The following SUPT5H variants were observed in gnomAD, a reference collection of about 807,000 sequenced individuals.
SUPT5H encodes SPT5 homolog, DSIF elongation factor subunit.
A neutral mutation model predicts 142.5 loss-of-function variants in SUPT5H; 24 were observed. The observed-to-expected ratio is 0.17, with a 90% CI of 0.12 to 0.24. The LOEUF is 0.24. SUPT5H is among the 10% of genes least tolerant of loss of function. SUPT5H has a pLI of 1.00. For synonymous variants in SUPT5H, 546 were observed against 553.0 expected (o/e 0.99, Z 0.18); for missense variants, 893 against 1,471.8 (o/e 0.61, Z 6.43).
chr19:39,465,070 TG>T (rs750888098), intron 11 of SUPT5H, 21 bp downstream of exon 11: 3 of 1,603,948 alleles, frequency 1.9e-6, no homozygotes, highest in South Asian at 2.2e-5. Context: ...CGGGGTGGCA[TG>T]GGGGTCAGGG....
At position 39,470,452 on chromosome 19, in the gene SUPT5H, T is replaced by C. The variant is rs2079303635; in HGVS notation, c.1606T>C (p.Trp536Arg). ...SGVDVGGQHE[W>R]GELVQLDPQT... ...TGTGGATGTTGGGGGCCAGCATGAATGGGGCGAGCTGGTGCAGCTGGATCC... is the reference window on the plus strand; with the variant it reads ...TGTGGATGTTGGGGGCCAGCATGAACGGGGCGAGCTGGTGCAGCTGGATCC... The change falls in exon 18 of 30, where the codon TGG becomes CGG. Residue 536 changes from tryptophan to arginine, a missense_variant. Transcript: ENST00000432763. The surrounding 1 kb of genome is among the most constrained non-coding windows in gnomAD (Gnocchi z 5.8). 1 of 1,606,026 alleles carries C rather than the reference T, an allele frequency of 6.2e-7. No individual in the cohort carries two copies. Among genetic ancestry groups the C allele is most frequent in the Admixed American group, 1.7e-5 (1 of 59,180 alleles).
chr19:39,459,392 G>A (rs2079132404), intron 8 of SUPT5H, 143 bp downstream of exon 8: 2 of 1,342,292 alleles, frequency 1.5e-6, no homozygotes, highest in Admixed American at 1.9e-5. Flanking sequence ...GGAGGGCAAG[G>A]TGGCACTTTC....
Position 39,474,790 on chromosome 19 carries a change from G to A in SUPT5H, c.3024+72G>A, listed in dbSNP as rs914756274. 2.0e-6 allele frequency: 3 copies of A among 1,493,816 alleles called. No homozygotes were observed. Among genetic ancestry groups the A allele is most frequent in the Admixed American group, 2.0e-5 (1 of 50,274 alleles). The allele number at this position is 1,493,816 out of a possible 1,614,324, so 92.5% of individuals were successfully genotyped here. On this transcript the variant is annotated intron_variant, in intron 28 of 29. Transcript: ENST00000432763. This position sits in a 1 kb window ranked among gnomAD's most constrained non-coding sequence, Gnocchi z 6.5. ...TACCCCCTAAACTGGAGACAGACCT[G>A]TCCCCAGATGGTGACAGCCCAGAGT...
rs1444720891 is a variant in SUPT5H at position 39,472,349 on chromosome 19, C to A, written c.1951-60C>A. The A allele has an allele frequency of 1.9e-6, 3 of 1,544,280 alleles. No individual in the cohort carries two copies. The highest frequency in any genetic ancestry group is 2.7e-6 in the Non-Finnish European group (3 of 1,119,278). On this transcript the variant is annotated intron_variant, in intron 20 of 29. Coordinates refer to ENST00000432763, the MANE Select transcript of SUPT5H (RefSeq NM_001111020.3). This position sits in a 1 kb window ranked among gnomAD's most constrained non-coding sequence, Gnocchi z 4.2. ...GGCCCTGCACGTGGGATGATGAGTT[C>A]CTGTGGTTTGTGGTTCCCCCATCCC... is the stretch of plus-strand genomic sequence containing the variant.
intron 2 of SUPT5H, among the ~76,000 whole-genome samples, chr19:39,446,248 C>G (rs183743353): frequency 6.6e-6 from 1 of 151,646 alleles, no homozygotes; most frequent in Non-Finnish European, 1.5e-5. Flanking sequence ...TTAGTTATGT[C>G]TAGTCATTCC....
Position 39,470,986 on chromosome 19 carries a change from T to A in SUPT5H, c.1678-371T>A, listed in dbSNP as rs2079311852. Among the ~76,000 whole-genome samples, 1 of 152,120 alleles carries A rather than the reference T, an allele frequency of 6.6e-6. No homozygotes were observed. Among genetic ancestry groups the A allele is most frequent in the South Asian group, 2.1e-4 (1 of 4,832 alleles). On this transcript the variant is annotated intron_variant, in intron 18 of 29. Transcript: ENST00000432763. This position sits in a 1 kb window ranked among gnomAD's most constrained non-coding sequence, Gnocchi z 5.8. ...TGAGCCTGAGTTTCCCTCTGTAAGA[T>A]GGAAATCATGACAGAATCCACCTCA... is the stretch of plus-strand genomic sequence containing the variant.
Position 39,458,727 on chromosome 19 carries a change from A to G in SUPT5H, c.320-91A>G, listed in dbSNP as rs1197741474. ...TGTCATCTTCCTGCCCCAGGGCCAA[A>G]CCCTGGCCCTCTTAGCTGCACGCTC... On this transcript the variant is annotated intron_variant, in intron 5 of 29. Coordinates refer to ENST00000432763, the MANE Select transcript of SUPT5H (RefSeq NM_001111020.3). The surrounding 1 kb of genome is among the most constrained non-coding windows in gnomAD (Gnocchi z 4.2). 2.4e-6 allele frequency: 3 copies of G among 1,247,000 alleles called. No individual in the cohort carries two copies. The African/African-American group carries it at 4.5e-5, about 19-fold the overall frequency. The allele number at this position is 1,247,000 out of a possible 1,614,324, so 77.2% of individuals were successfully genotyped here.
At chr19:39,467,298 G>A (rs1039983646) in intron 13 of SUPT5H, among the ~76,000 whole-genome samples, 2 of 152,000 alleles carry the variant, frequency 1.3e-5, no homozygotes, top group South Asian at 2.1e-4. Context: ...CAGGAGAATC[G>A]CTTAAACCCA....
At chr19:39,446,224 A>G (rs1876914548) in intron 2 of SUPT5H, among the ~76,000 whole-genome samples, 1 of 151,936 alleles carries the variant, frequency 6.6e-6, no homozygotes, top group African/African-American at 2.4e-5. Flanking sequence ...AGCACTTAGC[A>G]TTAGTTTTTT....
In SUPT5H at chr19:39,464,040, A is replaced by G. The variant is rs558924859; in HGVS notation, c.625-758A>G. Among the ~76,000 whole-genome samples the G allele has an allele frequency of 1.4e-3, 206 of 149,096 alleles. 1 individual carries two copies. Among genetic ancestry groups the G allele is most frequent in the African/African-American group, 4.1e-3 (164 of 40,410 alleles). ...CTCTTATTGCCCAGACTGGAGTGCA[A>G]TGGTGCGATCTCAGCTTACCGCAAC... On this transcript the variant is annotated intron_variant, in intron 10 of 29. Transcript: ENST00000432763.
In SUPT5H at chr19:39,466,187, A is replaced by C. The variant is rs2079232899; in HGVS notation, c.877-293A>C. Among the ~76,000 whole-genome samples the C allele has an allele frequency of 6.6e-6, 1 of 152,060 alleles. No homozygotes were observed. Among genetic ancestry groups the C allele is most frequent in the Non-Finnish European group, 1.5e-5 (1 of 68,006 alleles). On this transcript the variant is annotated intron_variant, in intron 11 of 29. Transcript: ENST00000432763. This position sits in a 1 kb window ranked among gnomAD's most constrained non-coding sequence, Gnocchi z 4.3. ...CCAGGTTGTGTGCCTGAGCAGAGGG[A>C]AGAATGGAGTGGGAGGCGGCAGGTT...
At position 39,466,222 on chromosome 19, in the gene SUPT5H, C is replaced by T. The variant is rs557772385; in HGVS notation, c.877-258C>T. ...TGGGAGGCGGCAGGTTTGGGGGAAT[C>T]AGCGGTTTGGCTGCGGTCGTCCTGG... On this transcript the variant is annotated intron_variant, in intron 11 of 29. Transcript: ENST00000432763. This position sits in a 1 kb window ranked among gnomAD's most constrained non-coding sequence, Gnocchi z 4.3. 1.1e-4 allele frequency among the ~76,000 whole-genome samples: 17 copies of T among 152,206 alleles called. No homozygotes were observed. In the South Asian group the frequency reaches 3.5e-3, roughly 32 times the overall value.
intron 10 of SUPT5H, among the ~76,000 whole-genome samples, chr19:39,462,309 C>G (rs148248425): frequency 6.6e-6 from 1 of 152,186 alleles, no homozygotes; most frequent in African/African-American, 2.4e-5. Context: ...TTTTCATTAT[C>G]CCAAAAATAA....
At chr19:39,453,692 A>G (rs1474143646) in intron 3 of SUPT5H, among the ~76,000 whole-genome samples, 171 bp downstream of exon 3, 6 of 152,040 alleles carry the variant, frequency 3.9e-5, no homozygotes, top group Non-Finnish European at 8.8e-5. Context: ...AGCCTCCTGA[A>G]TAGCTGGGAC....
rs377090015 is a variant in SUPT5H at position 39,470,526 on chromosome 19, G to A, written c.1677+3G>A. 3.7e-5 allele frequency: 58 copies of A among 1,549,300 alleles called. No individual in the cohort carries two copies. In the African/African-American group the frequency reaches 5.6e-4, roughly 15 times the overall value. ...GACTAGAACGGGAGACCTTCCAGGT[G>A]TGTGTGTTGTGCTCTGTGGCGGGGA... is the stretch of plus-strand genomic sequence containing the variant. On this transcript the variant is annotated splice_donor_region_variant and intron_variant, in intron 18 of 29. Transcript: ENST00000432763. This position sits in a 1 kb window ranked among gnomAD's most constrained non-coding sequence, Gnocchi z 5.8.
At chr19:39,457,069 A>G (rs1274936196) in intron 3 of SUPT5H, among the ~76,000 whole-genome samples, 3 of 152,248 alleles carry the variant, frequency 2.0e-5, no homozygotes, top group African/African-American at 7.2e-5. Flanking sequence ...CAGTACATCC[A>G]ACATGGTAAA....
chr19:39,457,626 C>T, intron 3 of SUPT5H, 49 bp from the exon 4 acceptor site: 1 of 1,597,996 alleles, frequency 6.3e-7, no homozygotes, highest in Non-Finnish European at 8.6e-7. Context: ...GTCCTGGGAG[C>T]TGTTATGAGG....
In SUPT5H at chr19:39,459,607, G is replaced by A. The variant is rs552291679; in HGVS notation, c.555+18G>A. 6 of 1,613,640 alleles carry A rather than the reference G, an allele frequency of 3.7e-6. No homozygotes were observed. The highest frequency in any genetic ancestry group is 2.2e-5 in the South Asian group (2 of 91,072). On this transcript the variant is annotated intron_variant, in intron 9 of 29. Coordinates refer to ENST00000432763, the MANE Select transcript of SUPT5H (RefSeq NM_001111020.3). ...AATGTAAGGTATGTGCTCTGATCTC[G>A]GGGCTTGGAGGAGGTGGGAGAATGA... is the stretch of plus-strand genomic sequence containing the variant.
rs939358385 is a variant in SUPT5H, at chr19:39,453,427, AGAG to A, written c.156_158del (p.Glu53del). The A allele has an allele frequency of 2.5e-6, 4 of 1,582,690 alleles. No individual in the cohort carries two copies. Among genetic ancestry groups the A allele is most frequent in the African/African-American group, 1.4e-5 (1 of 73,942 alleles). ...AGCCTGAGGACGAAGAGGAGGAGGA[AGAG>A]GAGGAGGAATACGATGAGGAAGAGG... On this transcript the variant is annotated inframe_deletion, in exon 3 of 30. Transcript: ENST00000432763.
Sources: allele counts gnomAD v4.1 joint callset (sites outside exome capture counted in the v4.1 genomes callset), GRCh38; gene constraint gnomAD v4.1.1; non-coding constraint Gnocchi (gnomAD v3.1); transcripts MANE v1.5; gene names NCBI Gene and HGNC (gene_info 2026-07-23, HGNC 2026-07-21).